The following FNIP2 variants were observed in gnomAD, a reference collection of about 807,000 sequenced individuals.
The protein encoded by FNIP2 is folliculin interacting protein 2, also known as folliculin-interacting protein 2.
FNIP2 carries 32 observed loss-of-function variants against 108.7 expected under a neutral mutation model. The observed-to-expected ratio is 0.29, with a 90% CI of 0.22 to 0.40. The LOEUF is 0.40. Among genes scored for constraint, FNIP2 ranks in the 10% least tolerant of loss-of-function variants. FNIP2 has a pLI of 1.00. For missense variants in FNIP2, 1,202 were observed against 1,381.6 expected (o/e 0.87, Z 2.06); for synonymous variants, 480 against 496.7 (o/e 0.97, Z 0.45).
intron 1 of FNIP2, among the ~76,000 whole-genome samples, chr4:158,775,003 T>C (rs1378755027): frequency 3.3e-5 from 5 of 152,122 alleles, no homozygotes; most frequent in Admixed American, 1.3e-4. Flanking sequence ...AAAAAGAGCA[T>C]TGGTTTTTGT....
chr4:158,859,032 T>A, intron 8 of FNIP2, 25 bp from the exon 9 acceptor site: 1 of 1,610,792 alleles, frequency 6.2e-7, no homozygotes, highest in Non-Finnish European at 8.5e-7. Flanking sequence ...GCATGGCAAC[T>A]TTTCAAACTT....
At chr4:158,829,612 A>G (rs1419253329) in intron 3 of FNIP2, among the ~76,000 whole-genome samples, 1 of 152,180 alleles carries the variant, frequency 6.6e-6, no homozygotes, top group African/African-American at 2.4e-5. Flanking sequence ...ATACCAGTAA[A>G]AGGAAGAAAG....
At chr4:158,863,933 C>A (rs1362713299) in intron 12 of FNIP2, among the ~76,000 whole-genome samples, 1 of 152,138 alleles carries the variant, frequency 6.6e-6, no homozygotes, top group Non-Finnish European at 1.5e-5. Context: ...AAATTTTTTT[C>A]TCAGAAGTTT....
chr4:158,867,332 A>T (rs922616408), intron 12 of FNIP2, among the ~76,000 whole-genome samples: 1 of 152,132 alleles, frequency 6.6e-6, no homozygotes, highest in Non-Finnish European at 1.5e-5. Context: ...AGCTGGGACT[A>T]CAGGTGCACA....
At chr4:158,846,964 A>G (rs1350877388) in intron 7 of FNIP2, among the ~76,000 whole-genome samples, 2 of 152,168 alleles carry the variant, frequency 1.3e-5, no homozygotes, top group African/African-American at 2.4e-5. Context: ...CAGAAAGGGA[A>G]TCTGTGCACT....
At chr4:158,772,001 A>G (rs1775714435) in intron 1 of FNIP2, among the ~76,000 whole-genome samples, 1 of 152,166 alleles carries the variant, frequency 6.6e-6, no homozygotes, top group Admixed American at 6.5e-5. Context: ...TCAGGACTTC[A>G]TGTTTCCTGG....
At chr4:158,860,824 T>C (rs923919273) in intron 10 of FNIP2, among the ~76,000 whole-genome samples, 1 of 151,886 alleles carries the variant, frequency 6.6e-6, no homozygotes. Context: ...GCCCAGCTAA[T>C]TTTTGTATTT....
intron 1 of FNIP2, among the ~76,000 whole-genome samples, chr4:158,778,595 A>G (rs948558327): frequency 2.0e-5 from 3 of 151,710 alleles, no homozygotes; most frequent in African/African-American, 4.9e-5. Context: ...AACTATGATT[A>G]TAGTATATTA....
intron 14 of FNIP2, among the ~76,000 whole-genome samples, chr4:158,881,010 A>G (rs772692477): frequency 1.3e-5 from 2 of 152,228 alleles, no homozygotes; most frequent in Non-Finnish European, 2.9e-5. Flanking sequence ...ATAAAAGCTA[A>G]TATTAAGTCA....
intron 1 of FNIP2, among the ~76,000 whole-genome samples, chr4:158,804,140 C>T (rs1338671974): frequency 6.6e-6 from 1 of 152,104 alleles, no homozygotes; most frequent in African/African-American, 2.4e-5. Context: ...CGGGGTTTCA[C>T]CATGTTGGTC....
intron 14 of FNIP2, among the ~76,000 whole-genome samples, chr4:158,888,875 CAAAAAAA>C (rs199499786): frequency 3.0e-5 from 3 of 100,742 alleles, no homozygotes; most frequent in Non-Finnish European, 4.2e-5. Context: ...AAGACTGTCT[CAAAAAAA>C]AAAAAAAAAA....
chr4:158,831,648 T>C (rs965832843), intron 3 of FNIP2, among the ~76,000 whole-genome samples: 2 of 152,196 alleles, frequency 1.3e-5, no homozygotes, highest in African/African-American at 4.8e-5. Flanking sequence ...GTGATGATGT[T>C]GTGTACAGAG....
intron 1 of FNIP2, among the ~76,000 whole-genome samples, chr4:158,791,266 CTTTTTTTTTTT>C (rs199714823): frequency 7.1e-5 from 7 of 98,050 alleles, no homozygotes; most frequent in East Asian, 5.0e-4. Flanking sequence ...ACTGAGGATC[CTTTTTTTTTTT>C]TTTTTTTTTT....
chr4:158,827,705 A>G (rs563659978), intron 2 of FNIP2, among the ~76,000 whole-genome samples: 40 of 152,310 alleles, frequency 2.6e-4, no homozygotes, highest in Admixed American at 8.5e-4. Flanking sequence ...TAGCGTGTTG[A>G]GGGAGTGCTG....
intron 7 of FNIP2, among the ~76,000 whole-genome samples, chr4:158,836,875 C>T (rs968512596): frequency 6.3e-5 from 9 of 143,408 alleles, no homozygotes; most frequent in Non-Finnish European, 1.2e-4. Context: ...TTTTCACTTA[C>T]AGCCATAACA....
chr4:158,847,528 C>G (rs1779471533), intron 7 of FNIP2, among the ~76,000 whole-genome samples: 1 of 152,190 alleles, frequency 6.6e-6, no homozygotes. Context: ...GGGAAGGACC[C>G]AGTACTGGCA....
At chr4:158,801,929 G>A (rs1776776756) in intron 1 of FNIP2, among the ~76,000 whole-genome samples, 1 of 152,176 alleles carries the variant, frequency 6.6e-6, no homozygotes, top group Non-Finnish European at 1.5e-5. Context: ...ACTTGGTTCT[G>A]ATCCTGGATC....
chr4:158,837,952 T>C (rs1271863171), intron 7 of FNIP2, among the ~76,000 whole-genome samples: 1 of 152,244 alleles, frequency 6.6e-6, no homozygotes, highest in African/African-American at 2.4e-5. Flanking sequence ...ATATCATACC[T>C]AGGAGTGGTT....
At chr4:158,788,706 A>G (rs1263413271) in intron 1 of FNIP2, among the ~76,000 whole-genome samples, 2 of 152,222 alleles carry the variant, frequency 1.3e-5, no homozygotes, top group African/African-American at 2.4e-5. Flanking sequence ...CCACATAGAA[A>G]AGGCTAGACT....
Sources: gnomAD v4.1 joint callset for allele counts (sites outside exome capture counted in the v4.1 genomes callset) on GRCh38, gnomAD v4.1.1 for gene constraint, MANE v1.5 for transcripts, NCBI Gene and HGNC (gene_info 2026-07-23, HGNC 2026-07-21) for gene names.